WIPF1: variants seen among roughly 807,000 people sequenced by gnomAD.
WIPF1 encodes WAS/WASL interacting protein family member 1.
In WIPF1, 13 loss-of-function variants were observed where a neutral mutation model predicts 35.4. The observed-to-expected ratio is 0.37, with a 90% CI of 0.24 to 0.58. WIPF1 has a LOEUF of 0.58. WIPF1 is among the 20% of genes least tolerant of loss of function. The probability of loss-of-function intolerance (pLI) is 0.74; values close to 1 mark genes in which losing one functional copy is unlikely to be tolerated. For synonymous variants in WIPF1, 267 were observed against 266.3 expected (o/e 1.00, Z -0.02); for missense variants, 591 against 667.0 (o/e 0.89, Z 1.25).
intron 1 of WIPF1, among the ~76,000 whole-genome samples, chr2:174,662,651 G>A (rs913771086): frequency 6.6e-6 from 1 of 152,174 alleles, no homozygotes; most frequent in Non-Finnish European, 1.5e-5. Context: ...GCCCGTCACG[G>A]CAGCAACCCA....
intron 7 of WIPF1, 199 bp downstream of exon 7, chr2:174,566,871 A>C (rs1375656052): frequency 1.9e-6 from 1 of 532,730 alleles, no homozygotes; most frequent in African/African-American, 1.9e-5. Context: ...ATGACACATT[A>C]AAATAACTGT....
intron 1 of WIPF1, among the ~76,000 whole-genome samples, chr2:174,666,699 G>C (rs1462522412): frequency 6.6e-6 from 1 of 152,250 alleles, no homozygotes; most frequent in Non-Finnish European, 1.5e-5. Context: ...CATCATCCAG[G>C]TTTAAGGCAA....
chr2:174,657,272 T>TATA (rs1422839524), intron 1 of WIPF1, among the ~76,000 whole-genome samples: 2 of 152,252 alleles, frequency 1.3e-5, no homozygotes, highest in African/African-American at 4.8e-5. Flanking sequence ...TCTAACGTAT[T>TATA]ATACTGGACT....
In WIPF1 at chr2:174,619,976, A is replaced by G. The variant is rs6760884; in HGVS notation, c.-38-34365T>C. 2.9e-3 allele frequency among the ~76,000 whole-genome samples: 445 copies of G among 152,198 alleles called. 3 individuals are homozygous for G. The highest frequency in any genetic ancestry group is 0.01 in the African/African-American group (419 of 41,528). ...AAAAAAAAAGAAATCTCCATTCACC[A>G]TACCCTTGACAACAATGAATGCTGC... is the stretch of plus-strand genomic sequence containing the variant. On this transcript the variant is annotated intron_variant, in intron 1 of 8. Transcript: ENST00000272746.
intron 4 of WIPF1, chr2:174,574,861 G>C (rs1684992589): frequency 1.4e-6 from 1 of 716,882 alleles, no homozygotes; most frequent in South Asian, 1.5e-5. Flanking sequence ...AAAGAAAGCT[G>C]AATCTGTCAG....
At chr2:174,642,060 T>C (rs905321869) in intron 1 of WIPF1, among the ~76,000 whole-genome samples, 2 of 152,168 alleles carry the variant, frequency 1.3e-5, no homozygotes, top group Non-Finnish European at 2.9e-5. Flanking sequence ...TACCATACCA[T>C]ACCAAGATAG....
At chr2:174,596,654 G>A (rs1380115650) in intron 1 of WIPF1, among the ~76,000 whole-genome samples, 3 of 152,094 alleles carry the variant, frequency 2.0e-5, no homozygotes, top group Non-Finnish European at 2.9e-5. Context: ...TTGGGAGGCC[G>A]AGGCGGGCAG....
chr2:174,633,776 G>A (rs1304933588), intron 1 of WIPF1, among the ~76,000 whole-genome samples: 3 of 152,118 alleles, frequency 2.0e-5, no homozygotes, highest in African/African-American at 7.2e-5. Context: ...ATAAAGCTCT[G>A]GCAACCGTCA....
At chr2:174,676,015 T>C (rs1033603485) in intron 1 of WIPF1, among the ~76,000 whole-genome samples, 3 of 149,824 alleles carry the variant, frequency 2.0e-5, no homozygotes, top group African/African-American at 7.4e-5. Flanking sequence ...GGCATGATCA[T>C]GGCTCACTTG....
intron 1 of WIPF1, among the ~76,000 whole-genome samples, chr2:174,642,343 CTTTT>C (rs780884199): frequency 3.9e-5 from 4 of 102,824 alleles, no homozygotes; most frequent in African/African-American, 1.2e-4. Context: ...CTTCCTCCAC[CTTTT>C]TTTTTTTTTT....
chr2:174,657,428 C>T lies in WIPF1; in HGVS notation c.-39+25346G>A, dbSNP rs545830616. 3.9e-5 allele frequency among the ~76,000 whole-genome samples: 6 copies of T among 152,256 alleles called. No individual in the cohort carries two copies. In the South Asian group the frequency reaches 8.3e-4, roughly 21 times the overall value. ...AGAAGTGAATTCAGGAACAAGCCAG[C>T]GGCTTGAATGCTGCATGCTTGGGAA... On this transcript the variant is annotated intron_variant, in intron 1 of 8. Transcript: ENST00000272746.
At chr2:174,601,574 C>T (rs930060656), upstream of WIPF1, among the ~76,000 whole-genome samples, 2 of 152,240 alleles carry the variant, frequency 1.3e-5, no homozygotes, top group Non-Finnish European at 1.5e-5. Context: ...AGGAGAGCTA[C>T]AACCACACTG....
rs771102949 is a variant in WIPF1 at position 174,571,659 on chromosome 2, T to C, written c.1129+17A>G. On this transcript the variant is annotated intron_variant, in intron 5 of 7. Transcript: ENST00000679041. This position sits in a 1 kb window ranked among gnomAD's most constrained non-coding sequence, Gnocchi z 4.6. ...AGGCTGGGTTTTGGAAGCAACTCAC[T>C]CCACGTCTTGTCATACCTGATCGGC... is the stretch of plus-strand genomic sequence containing the variant. 2 of 1,614,188 alleles carry C rather than the reference T, an allele frequency of 1.2e-6. No homozygotes were observed. Among genetic ancestry groups the C allele is most frequent in the Admixed American group, 3.3e-5 (2 of 60,032 alleles).
Position 174,561,879 on chromosome 2 carries a change from T to C in WIPF1, c.*668A>G. ...AAAATACACTCTGGATTTTGAAGAT[T>C]CAGTACCAAAAAATAATATAAAATA... On this transcript the variant is annotated 3_prime_UTR_variant, in exon 8 of 8. Coordinates refer to ENST00000679041, the MANE Select transcript of WIPF1 (RefSeq NM_001375834.1). The C allele has an allele frequency of 4.9e-6, 3 of 609,592 alleles. No homozygotes were observed. Among genetic ancestry groups the C allele is most frequent in the Non-Finnish European group, 8.2e-6 (3 of 366,572 alleles). The allele number at this position is 609,592 out of a possible 1,614,324, so 37.8% of individuals were successfully genotyped here.
chr2:174,665,713 TTATC>T lies in WIPF1; in HGVS notation c.-39+17057_-39+17060del, dbSNP rs138620853. ...ATAAAACTTTTGTTTTTGTTTCTGT[TTATC>T]TATCCTGTATACACTGGGTCTCAAT... is the stretch of plus-strand genomic sequence containing the variant. On this transcript the variant is annotated intron_variant, in intron 1 of 8. Coordinates refer to the WIPF1 transcript ENST00000272746. 602 of 152,352 alleles carry T rather than the reference TTATC, an allele frequency of 4.0e-3. 4 individuals are homozygous for T. Among genetic ancestry groups the T allele is most frequent in the African/African-American group, 0.014 (581 of 41,582 alleles). The allele number at this position is 152,352 out of a possible 1,614,324, so 9.4% of individuals were successfully genotyped here.
At chr2:174,658,099 G>T (rs556707973) in intron 1 of WIPF1, among the ~76,000 whole-genome samples, 2 of 152,160 alleles carry the variant, frequency 1.3e-5, no homozygotes, top group African/African-American at 4.8e-5. Flanking sequence ...GAGGCATTAG[G>T]CTGTGGGGAG....
chr2:174,663,150 G>C (rs1192541328), intron 1 of WIPF1, among the ~76,000 whole-genome samples: 1 of 152,186 alleles, frequency 6.6e-6, no homozygotes, highest in African/African-American at 2.4e-5. Flanking sequence ...CATCTATGGG[G>C]ATCAGGGCCA....
At chr2:174,665,663 A>AT (rs1461316063) in intron 1 of WIPF1, 1 of 152,254 alleles carries the variant, frequency 6.6e-6, no homozygotes, top group African/African-American at 2.4e-5. Context: ...AATGTGTTGC[A>AT]TTTGGTAAAC....
intron 1 of WIPF1, among the ~76,000 whole-genome samples, chr2:174,618,667 G>A (rs1176459560): frequency 6.6e-6 from 1 of 152,164 alleles, no homozygotes; most frequent in Non-Finnish European, 1.5e-5. Context: ...TCTGGGTGCT[G>A]CTGATGCTGA....
Sources: allele counts gnomAD v4.1 joint callset (sites outside exome capture counted in the v4.1 genomes callset), GRCh38; gene constraint gnomAD v4.1.1; non-coding constraint Gnocchi (gnomAD v3.1); transcripts MANE v1.5; gene names NCBI Gene and HGNC (gene_info 2026-07-23, HGNC 2026-07-21).